The following PRKCH variants were observed in gnomAD, a reference collection of about 807,000 sequenced individuals.
The protein encoded by PRKCH is protein kinase C eta.
A neutral mutation model predicts 82.5 loss-of-function variants in PRKCH; 28 were observed. The ratio of observed to expected loss-of-function variants is 0.34; its 90% confidence interval spans 0.25 to 0.47. The LOEUF (loss-of-function observed/expected upper bound fraction) is 0.47, where lower values mean the gene tolerates loss of function less well. Among genes scored for constraint, PRKCH ranks in the 20% least tolerant of loss-of-function variants. The pLI, the probability that PRKCH is intolerant of heterozygous loss-of-function variation, is 1.00. For missense variants in PRKCH, 705 were observed against 881.8 expected (o/e 0.80, Z 2.54); for synonymous variants, 322 against 327.4 (o/e 0.98, Z 0.18).
At chr14:61,444,327 G>C (rs778527959) in intron 3 of PRKCH, among the ~76,000 whole-genome samples, 32 of 151,970 alleles carry the variant, frequency 2.1e-4, no homozygotes, top group Non-Finnish European at 4.3e-4. Context: ...TTTCCTCTTT[G>C]CATGAGGCTG....
At chr14:61,315,652 AC>A (rs1351686929) in intron 1 of PRKCH, among the ~76,000 whole-genome samples, 1 of 151,760 alleles carries the variant, frequency 6.6e-6, no homozygotes, top group African/African-American at 2.4e-5. Context: ...GTTTTAATTT[AC>A]CCGTGTTGCA....
chr14:61,547,811 A>G lies in PRKCH; in HGVS notation c.1830A>G (p.Arg610=), dbSNP rs2043277992. The change falls in exon 13 of 14, where the codon AGA becomes AGG. Residue 610 remains arginine (R), a synonymous_variant. Transcript: ENST00000332981. The part of the protein sequence containing the change: ...LTQGGEHAIL[R]HPFFKEIDWA... ...AGGGAGGCGAGCACGCCATCTTGAG[A>G]CATCCTTTTTTTAAGGAAATCGACT... 1 of 1,614,174 alleles carries G rather than the reference A, an allele frequency of 6.2e-7. No individual in the cohort carries two copies. The highest frequency in any genetic ancestry group is 1.7e-5 in the Admixed American group (1 of 60,022).
chr14:61,423,089 T>C (rs11627926), intron 2 of PRKCH, among the ~76,000 whole-genome samples: 87,110 of 152,042 alleles, frequency 0.57, 28,426 homozygotes, highest in Non-Finnish European at 0.73. Flanking sequence ...AATTCATAGG[T>C]GATTCCGAGG....
chr14:61,281,331 C>A (rs963732472), intron 1 of PRKCH: 14 of 371,974 alleles, frequency 3.8e-5, no homozygotes, highest in Middle Eastern at 7.4e-4. Context: ...CCAGGCCCTA[C>A]GAGCAGTGCC....
chr14:61,428,988 T>G (rs1481803147), intron 2 of PRKCH, among the ~76,000 whole-genome samples: 1 of 152,234 alleles, frequency 6.6e-6, no homozygotes, highest in Non-Finnish European at 1.5e-5. Flanking sequence ...ATAGTTGACA[T>G]TCCATCATTA....
chr14:61,286,732 C>A (rs747702283), intron 1 of PRKCH, among the ~76,000 whole-genome samples: 1 of 151,872 alleles, frequency 6.6e-6, no homozygotes, highest in African/African-American at 2.4e-5. Context: ...GCCGAGATCA[C>A]GTCATTGCAC....
intron 1 of PRKCH, among the ~76,000 whole-genome samples, chr14:61,263,132 T>C (rs1308401622): frequency 6.6e-6 from 1 of 152,196 alleles, no homozygotes; most frequent in African/African-American, 2.4e-5. Context: ...GCACCTTGAC[T>C]ATAACCAGTT....
At chr14:61,220,131 C>T (rs755897071) in intron 1 of PRKCH, among the ~76,000 whole-genome samples, 25 of 152,210 alleles carry the variant, frequency 1.6e-4, no homozygotes, top group Non-Finnish European at 3.4e-4. Flanking sequence ...TCCCTGCTTT[C>T]TCCCAAACCA....
upstream of PRKCH, among the ~76,000 whole-genome samples, chr14:61,320,456 G>A (rs899751594): frequency 6.6e-6 from 1 of 152,090 alleles, no homozygotes; most frequent in Non-Finnish European, 1.5e-5. Context: ...AAAATTAGCC[G>A]GGCGTGGTGG....
chr14:61,365,576 G>A (rs1164370056), intron 1 of PRKCH, among the ~76,000 whole-genome samples: 2 of 152,020 alleles, frequency 1.3e-5, no homozygotes, highest in Non-Finnish European at 2.9e-5. Flanking sequence ...GCAGTTTCTA[G>A]TGCTGAGGGA....
chr14:61,540,377 G>A (rs1051338594), intron 12 of PRKCH, among the ~76,000 whole-genome samples: 3 of 152,124 alleles, frequency 2.0e-5, no homozygotes, highest in Non-Finnish European at 2.9e-5. Flanking sequence ...CTCACCTGTC[G>A]GTCCAAGTAT....
At chr14:61,424,684 G>C (rs1471894457) in intron 2 of PRKCH, among the ~76,000 whole-genome samples, 1 of 152,200 alleles carries the variant, frequency 6.6e-6, no homozygotes, top group Non-Finnish European at 1.5e-5. Context: ...ATTAAAGCTG[G>C]CTGCAGAAAT....
At chr14:61,339,622 C>CTTTTTTTTTTTT (rs757220300) in intron 1 of PRKCH, among the ~76,000 whole-genome samples, 4 of 60,000 alleles carry the variant, frequency 6.7e-5, no homozygotes, top group Non-Finnish European at 8.9e-5. Context: ...CAAGCCCGGC[C>CTTTTTTTTTTTT]TTTTTTTTTT....
chr14:61,500,723 C>T (rs1886868157), intron 10 of PRKCH, among the ~76,000 whole-genome samples: 3 of 152,050 alleles, frequency 2.0e-5, no homozygotes, highest in Admixed American at 6.5e-5. Context: ...GTGCACAGCC[C>T]ACTCTGCAAA....
At chr14:61,419,328 AATCTCC>A (rs1882714999) in intron 2 of PRKCH, among the ~76,000 whole-genome samples, 1 of 152,180 alleles carries the variant, frequency 6.6e-6, no homozygotes, top group African/African-American at 2.4e-5. Flanking sequence ...TCCCAAATGA[AATCTCC>A]TACAGAATCC....
chr14:61,196,277 AGTAAGGAGCTTAGG>A lies in PRKCH; in HGVS notation c.-19+8614_-19+8627del, dbSNP rs1234818326. 2.0e-5 allele frequency among the ~76,000 whole-genome samples: 3 copies of A among 152,206 alleles called. No individual in the cohort carries two copies. The East Asian group carries it at 5.8e-4, about 29-fold the overall frequency. On this transcript the variant is annotated intron_variant, in intron 1 of 3. Coordinates refer to the PRKCH transcript ENST00000555185. ...ATCTGAGAATGTGGTGATGGTCAGGAGTAAGGAGCTTAGGGTAAAAGGTGGAAATATGATTGCTG... is the reference window on the plus strand; with the variant it reads ...ATCTGAGAATGTGGTGATGGTCAGGAGTAAAAGGTGGAAATATGATTGCTG...
intron 1 of PRKCH, among the ~76,000 whole-genome samples, chr14:61,291,544 G>A (rs1294972229): frequency 6.6e-6 from 1 of 152,150 alleles, no homozygotes; most frequent in East Asian, 1.9e-4. Flanking sequence ...TGGCCAGGAT[G>A]GTCTCGAACT....
At chr14:61,521,914 C>T (rs757062560) in intron 10 of PRKCH, among the ~76,000 whole-genome samples, 1 of 152,170 alleles carries the variant, frequency 6.6e-6, no homozygotes, top group Non-Finnish European at 1.5e-5. Context: ...TCCCAAGGCT[C>T]AGTCCCAGGC....
intron 10 of PRKCH, among the ~76,000 whole-genome samples, chr14:61,513,511 G>A (rs1474351693): frequency 6.6e-6 from 1 of 152,052 alleles, no homozygotes; most frequent in East Asian, 1.9e-4. Flanking sequence ...AGTCAGCCCA[G>A]GAGAGAAATG....
Sources: allele counts gnomAD v4.1 joint callset (sites outside exome capture counted in the v4.1 genomes callset), GRCh38; gene constraint gnomAD v4.1.1; transcripts MANE v1.5; gene names NCBI Gene and HGNC (gene_info 2026-07-23, HGNC 2026-07-21).